Variants in PLEKHA5 observed in about 807,000 individuals in gnomAD.
PLEKHA5 encodes the protein pleckstrin homology domain containing A5.
A neutral mutation model predicts 181.9 loss-of-function variants in PLEKHA5; 55 were observed. The ratio of observed to expected loss-of-function variants is 0.30; its 90% CI spans 0.24 to 0.38. The LOEUF is 0.38. Among genes scored for constraint, PLEKHA5 ranks in the 10% least tolerant of loss-of-function variants. The pLI, the probability that PLEKHA5 is intolerant of heterozygous loss-of-function variation, is 1.00. For missense variants in PLEKHA5, 1,432 were observed against 1,549.5 expected, an observed-to-expected ratio of 0.92 and a Z score of 1.27; for synonymous variants, 535 against 529.4, an observed-to-expected ratio of 1.01 and a Z score of -0.15.
chr12:19,320,854 A>G, intron 18 of PLEKHA5: 1 of 266,180 alleles, frequency 3.8e-6, no homozygotes, highest in Non-Finnish European at 7.0e-6. Context: ...TGAAAGTAAA[A>G]ACTGTTTCTG....
intron 20 of PLEKHA5, among the ~76,000 whole-genome samples, chr12:19,335,034 T>TG (rs1461400743): frequency 1.4e-5 from 2 of 141,864 alleles, no homozygotes; most frequent in African/African-American, 2.5e-5. Flanking sequence ...TTTTTTGTTT[T>TG]TTTTTTTTTC....
At chr12:19,253,746 G>C (rs1254867319) in intron 3 of PLEKHA5, among the ~76,000 whole-genome samples, 194 bp from the exon 4 acceptor site, 1 of 151,964 alleles carries the variant, frequency 6.6e-6, no homozygotes, top group Non-Finnish European at 1.5e-5. Context: ...CTTGAACCCA[G>C]AAGGCAGAGG....
rs75233701 is a variant in PLEKHA5, at chr12:19,356,378, G to A, written c.3139-1850G>A. Among the ~76,000 whole-genome samples, 378 of 151,864 alleles carry A rather than the reference G, an allele frequency of 2.5e-3. 6 individuals carry two copies. The East Asian group carries it at 0.058, about 23-fold the overall frequency. On this transcript the variant is annotated intron_variant, in intron 26 of 31. Transcript: ENST00000429027. ...AAAATTACCAAAAAAAATTAGCCAG[G>A]CATGGTGGCCTGTGCCTATGGTCTC...
rs779818129 is a variant in PLEKHA5, at chr12:19,283,656, C to T, written c.1690C>T (p.Pro564Ser). The T allele has an allele frequency of 3.7e-6, 6 of 1,613,938 alleles. No individual in the cohort carries two copies. The African/African-American group carries it at 8.0e-5, about 22-fold the overall frequency. Reference protein sequence around the residue: ...GSIAAYQGYSPQRTYRSEVSS... With the variant: ...GSIAAYQGYSSQRTYRSEVSS... Reference sequence around the variant, plus strand: ...AATAGCTGCTTATCAGGGATACTCCCCTCAACGAACTTACAGATCGGAAGT... The same window carrying T: ...AATAGCTGCTTATCAGGGATACTCCTCTCAACGAACTTACAGATCGGAAGT... Residue 564 changes from proline (P) to serine (S), a missense_variant, in exon 12 of 32, where the codon CCT (proline) becomes TCT (serine). Transcript: ENST00000429027.
intron 3 of PLEKHA5, among the ~76,000 whole-genome samples, chr12:19,138,678 G>T (rs767193526): frequency 2.0e-5 from 3 of 152,094 alleles, no homozygotes; most frequent in Non-Finnish European, 2.9e-5. Context: ...GGTGGGAGTT[G>T]AGCTAGGCCT....
intron 3 of PLEKHA5, among the ~76,000 whole-genome samples, chr12:19,161,918 G>T (rs188431838): frequency 3.3e-5 from 5 of 152,244 alleles, no homozygotes; most frequent in Non-Finnish European, 7.4e-5. Context: ...GGGGAAAGAA[G>T]TATAATCTTG....
At chr12:19,157,822 A>G (rs2042105694) in intron 3 of PLEKHA5, among the ~76,000 whole-genome samples, 1 of 152,196 alleles carries the variant, frequency 6.6e-6, no homozygotes, top group African/African-American at 2.4e-5. Context: ...TTTATGATAA[A>G]ACTGCCATGT....
intron 3 of PLEKHA5, among the ~76,000 whole-genome samples, chr12:19,185,139 T>C (rs2049530261): frequency 6.6e-6 from 1 of 152,020 alleles, no homozygotes; most frequent in Non-Finnish European, 1.5e-5. Context: ...GGAGAGGAGA[T>C]TAATGGACCT....
rs35235110 is a variant in PLEKHA5 at position 19,301,497 on chromosome 12, T to TAA, written c.2037+9809_2037+9810dup. ...AGGAAAATACATTAAGCTACTGAAG[T>TAA]AAAAAAAAAATCAGATCTGTAAAAC... On this transcript the variant is annotated intron_variant, in intron 15 of 31. Transcript: ENST00000429027. Among the ~76,000 whole-genome samples the TAA allele has an allele frequency of 8.7e-5, 13 of 150,150 alleles. No homozygotes were observed. The East Asian group carries it at 1.4e-3, about 16-fold the overall frequency.
intron 3 of PLEKHA5, among the ~76,000 whole-genome samples, chr12:19,226,255 G>A (rs542459683): frequency 1.3e-5 from 2 of 152,144 alleles, no homozygotes; most frequent in African/African-American, 4.8e-5. Flanking sequence ...TCATGTTGTA[G>A]CATGTATCAG....
chr12:19,347,057 C>T lies in PLEKHA5; in HGVS notation c.2773C>T (p.Pro925Ser), dbSNP rs1194512782. ...PRSYDFTEQP[P>S]IIPPLPSDSS... is the part of the protein sequence containing the mutation. ...GTCCTATGACTTTACAGAGCAGCCT[C>T]CCATAATCCCCCCTCTGCCCAGTGA... Residue 925 changes from proline to serine, a missense_variant, in exon 24 of 32, where the codon CCC becomes TCC. By Grantham distance (74) the Pro-to-Ser change is moderately conservative. Coordinates refer to ENST00000429027, the MANE Select transcript of PLEKHA5 (RefSeq NM_001256470.2). The T allele has an allele frequency of 6.4e-7, 1 of 1,551,580 alleles. No individual in the cohort carries two copies. Among genetic ancestry groups the T allele is most frequent in the Admixed American group, 2.0e-5 (1 of 50,968 alleles).
intron 3 of PLEKHA5, among the ~76,000 whole-genome samples, chr12:19,233,028 T>C (rs1235307919): frequency 2.0e-5 from 3 of 152,192 alleles, no homozygotes; most frequent in African/African-American, 7.2e-5. Context: ...GAGTTTAATT[T>C]CTGTAAGCTG....
intron 8 of PLEKHA5, among the ~76,000 whole-genome samples, chr12:19,267,387 G>A (rs1344028288): frequency 6.6e-6 from 1 of 152,216 alleles, no homozygotes; most frequent in Non-Finnish European, 1.5e-5. Context: ...GCCGGGCACA[G>A]GGGCTCATGC....
chr12:19,152,171 T>A (rs538833545), intron 3 of PLEKHA5: 2 of 152,354 alleles, frequency 1.3e-5, no homozygotes, highest in East Asian at 3.9e-4. Flanking sequence ...CGGCCACATT[T>A]TTTTTACATT....
At chr12:19,181,736 A>T (rs1173321244) in intron 3 of PLEKHA5, among the ~76,000 whole-genome samples, 1 of 152,200 alleles carries the variant, frequency 6.6e-6, no homozygotes, top group Admixed American at 6.5e-5. Context: ...AGATCGCGCC[A>T]CTGCACTTCA....
chr12:19,185,642 C>T (rs1400862096), intron 3 of PLEKHA5, among the ~76,000 whole-genome samples: 1 of 152,172 alleles, frequency 6.6e-6, no homozygotes, highest in Non-Finnish European at 1.5e-5. Flanking sequence ...TACATTCCCT[C>T]CTTTTGTTTA....
intron 20 of PLEKHA5, among the ~76,000 whole-genome samples, chr12:19,328,530 C>T (rs2092489852): frequency 6.6e-6 from 1 of 151,020 alleles, no homozygotes; most frequent in Admixed American, 6.7e-5. Context: ...AGACATCTTT[C>T]ACCTCCTTGG....
At chr12:19,152,532 A>G (rs1018327384) in intron 3 of PLEKHA5, 12 of 152,220 alleles carry the variant, frequency 7.9e-5, no homozygotes, top group South Asian at 6.2e-4. Flanking sequence ...TGCCCATGCA[A>G]TGCAGGTCAG....
chr12:19,306,732 C>T, intron 15 of PLEKHA5: 1 of 1,248,116 alleles, frequency 8.0e-7, no homozygotes, highest in Non-Finnish European at 1.2e-6. Flanking sequence ...AACCACACCT[C>T]TTCCCGCCGG....
Sources: allele counts gnomAD v4.1 joint callset (sites outside exome capture counted in the v4.1 genomes callset), GRCh38; gene constraint gnomAD v4.1.1; transcripts MANE v1.5; gene names NCBI Gene and HGNC (gene_info 2026-07-23, HGNC 2026-07-21).